DLG2: variants seen among roughly 807,000 people sequenced by gnomAD.
DLG2 encodes disks large homolog 2.
DLG2 carries 45 observed loss-of-function variants against 132.5 expected under a neutral mutation model. That is an observed-to-expected ratio of 0.34 (90% CI 0.27 to 0.44). The LOEUF is 0.44. Among genes scored for constraint, DLG2 ranks in the 20% least tolerant of loss-of-function variants. The probability of loss-of-function intolerance (pLI) is 1.00; values close to 1 mark genes in which losing one functional copy is unlikely to be tolerated. For missense variants in DLG2, 1,045 were observed against 1,196.9 expected, an observed-to-expected ratio of 0.87 and a Z score of 1.87; for synonymous variants, 424 against 419.6, an observed-to-expected ratio of 1.01 and a Z score of -0.13.
At chr11:84,440,613 A>G (rs967018106) in intron 7 of DLG2, among the ~76,000 whole-genome samples, 1 of 152,220 alleles carries the variant, frequency 6.6e-6, no homozygotes, top group Admixed American at 6.5e-5. Context: ...TATAAGTAAA[A>G]CAAATTTTTC....
intron 9 of DLG2, among the ~76,000 whole-genome samples, chr11:84,119,198 C>T (rs182249685): frequency 1.3e-5 from 2 of 151,982 alleles, no homozygotes; most frequent in East Asian, 3.9e-4. Flanking sequence ...TTCAGAAGGT[C>T]AGGGCACAAA....
At chr11:85,571,468 T>G (rs2077839661) in intron 3 of DLG2, among the ~76,000 whole-genome samples, 2 of 152,166 alleles carry the variant, frequency 1.3e-5, no homozygotes, top group Admixed American at 1.3e-4. Flanking sequence ...AACTCTTGTG[T>G]ATGCTAGGAT....
At chr11:85,010,795 A>G (rs2059088274) in intron 6 of DLG2, among the ~76,000 whole-genome samples, 1 of 152,180 alleles carries the variant, frequency 6.6e-6, no homozygotes, top group Non-Finnish European at 1.5e-5. Flanking sequence ...AAAGAAAAAA[A>G]AGATGCTAAT....
chr11:84,643,604 A>G lies in DLG2; in HGVS notation c.358-108873T>C, dbSNP rs12272326. On this transcript the variant is annotated intron_variant, in intron 6 of 27. Transcript: ENST00000376104. ...GGTTCTCTTAAAATAGGGGAATCTT[A>G]TCTCTTACAAAGCAGAGATTTCACC... Among the ~76,000 whole-genome samples the G allele has an allele frequency of 4.1e-3, 617 of 152,308 alleles. 5 individuals carry two copies. Among genetic ancestry groups the G allele is most frequent in the African/African-American group, 0.014 (566 of 41,558 alleles).
At position 84,337,617 on chromosome 11, in the gene DLG2, GA is replaced by G. The variant is rs758460912; in HGVS notation, c.520-86327del. On this transcript the variant is annotated intron_variant, in intron 7 of 27. Transcript: ENST00000376104. Reference sequence around the variant, plus strand: ...AATACTCTTCTCAGTAGAATTTGTAGAAAAAAATAGTCTAAATGACTATATA... The same window carrying G: ...AATACTCTTCTCAGTAGAATTTGTAGAAAAAATAGTCTAAATGACTATATA... 3.9e-5 allele frequency among the ~76,000 whole-genome samples: 6 copies of G among 152,012 alleles called. No homozygotes were observed. The East Asian group carries it at 9.7e-4, about 24-fold the overall frequency.
chr11:83,954,311 A>G (rs2086251402), intron 14 of DLG2, among the ~76,000 whole-genome samples: 2 of 152,178 alleles, frequency 1.3e-5, no homozygotes. Flanking sequence ...GGATAGTTCT[A>G]TGAATGATTC....
intron 8 of DLG2, among the ~76,000 whole-genome samples, chr11:84,243,015 C>A (rs201246777): frequency 8.6e-5 from 12 of 140,170 alleles, no homozygotes; most frequent in South Asian, 2.3e-4. Flanking sequence ...CTCTCTCTCT[C>A]TCTATATATA....
At chr11:84,083,565 G>A (rs1301651296) in intron 10 of DLG2, among the ~76,000 whole-genome samples, 1 of 152,158 alleles carries the variant, frequency 6.6e-6, no homozygotes, top group Non-Finnish European at 1.5e-5. Context: ...CCTCATAAAT[G>A]GATTAATATT....
intron 7 of DLG2, among the ~76,000 whole-genome samples, chr11:84,270,476 C>A (rs1261672789): frequency 6.6e-6 from 1 of 152,192 alleles, no homozygotes; most frequent in Admixed American, 6.5e-5. Flanking sequence ...TTGAGCAGCA[C>A]TATCCAGGTA....
At chr11:85,422,616 G>C (rs2090408891) in intron 3 of DLG2, among the ~76,000 whole-genome samples, 1 of 151,930 alleles carries the variant, frequency 6.6e-6, no homozygotes, top group African/African-American at 2.4e-5. Flanking sequence ...TCAGCCTCTG[G>C]AATAGTGGGG....
intron 6 of DLG2, among the ~76,000 whole-genome samples, chr11:85,024,901 TAAATC>T (rs2060385231): frequency 6.6e-6 from 1 of 152,206 alleles, no homozygotes; most frequent in East Asian, 1.9e-4. Flanking sequence ...TCTGTCAAAA[TAAATC>T]AAACATCAGT....
intron 8 of DLG2, among the ~76,000 whole-genome samples, chr11:84,235,762 C>T (rs890876927): frequency 6.6e-6 from 1 of 152,056 alleles, no homozygotes; most frequent in African/African-American, 2.4e-5. Context: ...ATTACAACTA[C>T]CGAGAGGCAG....
At chr11:85,059,554 A>G (rs564463324) in intron 6 of DLG2, among the ~76,000 whole-genome samples, 2 of 151,664 alleles carry the variant, frequency 1.3e-5, no homozygotes, top group African/African-American at 2.4e-5. Context: ...CGTACAATGG[A>G]TCACCATATG....
At chr11:83,989,428 T>A (rs2093573944) in intron 11 of DLG2, among the ~76,000 whole-genome samples, 1 of 152,206 alleles carries the variant, frequency 6.6e-6, no homozygotes. Context: ...ACTGTCAGGT[T>A]GTTGGGAAAA....
intron 3 of DLG2, among the ~76,000 whole-genome samples, chr11:85,471,435 G>C (rs186727311): frequency 4.6e-5 from 7 of 152,058 alleles, no homozygotes; most frequent in African/African-American, 1.7e-4. Context: ...ATCTGAAAAG[G>C]ACTATAAAAT....
At chr11:85,000,866 T>C (rs1022096387) in intron 6 of DLG2, among the ~76,000 whole-genome samples, 2 of 152,076 alleles carry the variant, frequency 1.3e-5, no homozygotes, top group African/African-American at 2.4e-5. Context: ...GAACACAGCC[T>C]CATCATTGTT....
intron 4 of DLG2, among the ~76,000 whole-genome samples, chr11:85,192,482 G>T (rs2080673159): frequency 6.6e-6 from 1 of 152,134 alleles, no homozygotes; most frequent in Non-Finnish European, 1.5e-5. Context: ...TGCCTGATTG[G>T]CCAGGAACAC....
At chr11:83,980,990 G>C (rs753345552) in intron 11 of DLG2, among the ~76,000 whole-genome samples, 1 of 152,168 alleles carries the variant, frequency 6.6e-6, no homozygotes, top group Non-Finnish European at 1.5e-5. Context: ...CCAGGAAAAA[G>C]ACAAGTATAG....
At chr11:84,357,031 G>A (rs776194762) in intron 7 of DLG2, among the ~76,000 whole-genome samples, 2 of 152,122 alleles carry the variant, frequency 1.3e-5, no homozygotes, top group East Asian at 1.9e-4. Flanking sequence ...AAAGAATGTA[G>A]GTGGAGTAAG....
Sources: gnomAD v4.1 joint callset for allele counts (sites outside exome capture counted in the v4.1 genomes callset) on GRCh38, gnomAD v4.1.1 for gene constraint, MANE v1.5 for transcripts, NCBI Gene and HGNC (gene_info 2026-07-23, HGNC 2026-07-21) for gene names.